The following SPINK9 variants were observed in gnomAD, a reference collection of about 807,000 sequenced individuals.
The protein encoded by SPINK9 is serine peptidase inhibitor Kazal type 9, also known as serine protease inhibitor Kazal-type 9.
SPINK9 carries 3 observed loss-of-function variants against 10.8 expected under a neutral mutation model. The observed-to-expected ratio is 0.28, with a 90% CI of 0.13 to 0.72. SPINK9 has a LOEUF of 0.72. Ranked by LOEUF, SPINK9 falls within the 30% of genes least tolerant of loss-of-function variation. SPINK9 has a pLI of 0.74. For missense variants in SPINK9, 101 were observed against 103.2 expected, an observed-to-expected ratio of 0.98 and a Z score of 0.09; for synonymous variants, 30 against 31.2, an observed-to-expected ratio of 0.96 and a Z score of 0.12.
Position 148,335,586 on chromosome 5 carries a change from A to G in SPINK9, c.-28A>G. On this transcript the variant is annotated 5_prime_UTR_variant, in exon 1 of 4. Coordinates refer to ENST00000377906, the MANE Select transcript of SPINK9 (RefSeq NM_001040433.2). ...ACACCAGGTCACTTCTTTTCCCTAC[A>G]TCTGACTGCCTTGGCCACTTCAGTA... 1 of 1,612,144 alleles carries G rather than the reference A, an allele frequency of 6.2e-7. No homozygotes were observed. The highest frequency in any genetic ancestry group is 8.5e-7 in the Non-Finnish European group (1 of 1,178,928).
At chr5:148,338,629 T>C in intron 3 of SPINK9, 24 bp downstream of exon 3, 1 of 1,517,466 alleles carries the variant, frequency 6.6e-7, no homozygotes, top group Non-Finnish European at 9.0e-7. Flanking sequence ...TGTTTTCTTT[T>C]TCATATTTAA....
intron 2 of SPINK9, 59 bp from the exon 3 acceptor site, chr5:148,338,419 A>G: frequency 6.5e-7 from 1 of 1,532,358 alleles, no homozygotes; most frequent in Non-Finnish European, 8.8e-7. Flanking sequence ...GAAAAATCCT[A>G]AATCCTGATA....
upstream of SPINK9, among the ~76,000 whole-genome samples, chr5:148,331,191 A>T (rs1757145046): frequency 6.6e-6 from 1 of 152,210 alleles, no homozygotes; most frequent in South Asian, 2.1e-4. Flanking sequence ...ATGCTGGTAG[A>T]TGTAGACTGG....
chr5:148,337,513 A>G (rs1408489546), intron 2 of SPINK9, among the ~76,000 whole-genome samples: 1 of 152,186 alleles, frequency 6.6e-6, no homozygotes, highest in Non-Finnish European at 1.5e-5. Flanking sequence ...TCCACAATTA[A>G]TAAAATATCA....
Position 148,336,291 on chromosome 5 carries a change from T to C in SPINK9, c.56-131T>C, listed in dbSNP as rs549999346. 169 of 940,570 alleles carry C rather than the reference T, an allele frequency of 1.8e-4. 3 individuals carry two copies. In the South Asian group the frequency reaches 2.6e-3, roughly 14 times the overall value. 58.3% of individuals were successfully genotyped at this position (940,570 alleles called of 1,614,324 possible). On this transcript the variant is annotated intron_variant, in intron 1 of 3. Coordinates refer to ENST00000377906, the MANE Select transcript of SPINK9 (RefSeq NM_001040433.2). The stretch of plus-strand genomic sequence containing the variant: ...GCTTCAACCTTTGATACAATGCTGA[T>C]ACACAGTTGTGAAGAGAGACTTACA...
upstream of SPINK9, among the ~76,000 whole-genome samples, chr5:148,334,011 T>C (rs1476031816): frequency 6.6e-6 from 1 of 152,050 alleles, no homozygotes; most frequent in Non-Finnish European, 1.5e-5. Context: ...AGAATTATTA[T>C]AATAGGAAAG....
chr5:148,321,341 C>T (rs1261395352), exon 1 of SPINK9: 1 of 151,968 alleles, frequency 6.6e-6, no homozygotes, highest in Non-Finnish European at 1.5e-5. Flanking sequence ...AGCCAAGGCT[C>T]AAGAACTACA....
At chr5:148,334,417 T>G (rs6580546), upstream of SPINK9, among the ~76,000 whole-genome samples, 59,295 of 151,966 alleles carry the variant, frequency 0.39, 13,467 homozygotes, top group African/African-American at 0.62. Context: ...ATCAAGAAGA[T>G]AAGAGTCTTT....
chr5:148,330,964 C>G (rs1336058697), upstream of SPINK9, among the ~76,000 whole-genome samples: 2 of 152,126 alleles, frequency 1.3e-5, no homozygotes, highest in Non-Finnish European at 2.9e-5. Context: ...GGGAGTGACC[C>G]GATTTTCCAG....
intron 1 of SPINK9, chr5:148,323,565 C>T (rs565321511): frequency 1.3e-5 from 6 of 463,524 alleles, no homozygotes; most frequent in South Asian, 1.2e-4. Context: ...ACTTTATTAA[C>T]TTTCTTTCCT....
intron 1 of SPINK9, chr5:148,323,586 T>A: frequency 6.0e-6 from 3 of 500,094 alleles, no homozygotes; most frequent in Non-Finnish European, 1.1e-5. Context: ...TCTTTATTCT[T>A]AGGAAGAGTA....
chr5:148,334,460 C>T (rs1027638978), upstream of SPINK9, among the ~76,000 whole-genome samples: 1 of 152,096 alleles, frequency 6.6e-6, no homozygotes, highest in African/African-American at 2.4e-5. Flanking sequence ...CCTGTAATTG[C>T]AGCACTTTGG....
At chr5:148,325,460 C>A (rs1024253611) in intron 2 of SPINK9, among the ~76,000 whole-genome samples, 3 of 152,020 alleles carry the variant, frequency 2.0e-5, no homozygotes, top group African/African-American at 7.2e-5. Context: ...TTATCTTAAC[C>A]ATCCTAATGG....
intron 1 of SPINK9, among the ~76,000 whole-genome samples, chr5:148,322,141 G>A (rs1757006374): frequency 6.6e-6 from 1 of 152,164 alleles, no homozygotes; most frequent in South Asian, 2.1e-4. Flanking sequence ...TACCCCATAT[G>A]TTTAATCACT....
intron 2 of SPINK9, among the ~76,000 whole-genome samples, chr5:148,336,843 TTC>T (rs1347745163): frequency 6.6e-6 from 1 of 152,214 alleles, no homozygotes; most frequent in Admixed American, 6.5e-5. Flanking sequence ...CATATCTTTG[TTC>T]TCTGTCTTAG....
At chr5:148,337,106 G>A (rs951937935) in intron 2 of SPINK9, among the ~76,000 whole-genome samples, 3 of 152,134 alleles carry the variant, frequency 2.0e-5, no homozygotes. Flanking sequence ...AGATGGGCCT[G>A]AGTTCAAGCC....
chr5:148,326,854 T>A (rs1757068559), intron 2 of SPINK9, among the ~76,000 whole-genome samples: 1 of 152,144 alleles, frequency 6.6e-6, no homozygotes, highest in African/African-American at 2.4e-5. Context: ...CATCATTTTT[T>A]ATGGCTGCAT....
At chr5:148,338,268 C>G (rs1207752363) in intron 2 of SPINK9, among the ~76,000 whole-genome samples, 1 of 151,946 alleles carries the variant, frequency 6.6e-6, no homozygotes. Context: ...GATTTGGGAA[C>G]CAACTATGGT....
intron 1 of SPINK9, chr5:148,323,607 A>G (rs932783332): frequency 5.9e-6 from 3 of 512,796 alleles, no homozygotes; most frequent in Non-Finnish European, 1.0e-5. Context: ...AATCATTCCC[A>G]CATGGGAAGC....
Sources: gnomAD v4.1 joint callset for allele counts (sites outside exome capture counted in the v4.1 genomes callset) on GRCh38, gnomAD v4.1.1 for gene constraint, MANE v1.5 for transcripts, NCBI Gene and HGNC (gene_info 2026-07-23, HGNC 2026-07-21) for gene names.